The following EDC3 variants were observed in gnomAD, a reference collection of about 807,000 sequenced individuals.
The protein encoded by EDC3 is enhancer of mRNA decapping 3, also known as enhancer of mRNA-decapping protein 3.
EDC3 carries 20 observed loss-of-function variants against 41.8 expected under a neutral mutation model. That is an observed-to-expected ratio of 0.48 (90% CI 0.34 to 0.70). The LOEUF (loss-of-function observed/expected upper bound fraction) is 0.70. Ranked by LOEUF, EDC3 falls within the 30% of genes least tolerant of loss-of-function variation. EDC3 has a pLI of 0.01. For missense variants in EDC3, 444 were observed against 636.8 expected, an observed-to-expected ratio of 0.70 and a Z score of 3.26; for synonymous variants, 206 against 243.2, an observed-to-expected ratio of 0.85 and a Z score of 1.42.
chr15:74,659,630 G>A (rs1188544859), intron 3 of EDC3, among the ~76,000 whole-genome samples: 2 of 151,842 alleles, frequency 1.3e-5, no homozygotes, highest in East Asian at 3.9e-4. Context: ...CAGCACTTTG[G>A]GAGGCCAAGG....
chr15:74,670,320 T>C (rs1214744405), intron 3 of EDC3, among the ~76,000 whole-genome samples: 2 of 152,236 alleles, frequency 1.3e-5, no homozygotes, highest in Admixed American at 1.3e-4. Flanking sequence ...TTCGCTATTG[T>C]AACATTATTC....
intron 3 of EDC3, among the ~76,000 whole-genome samples, chr15:74,659,272 G>T (rs1446615624): frequency 6.6e-6 from 1 of 151,908 alleles, no homozygotes; most frequent in Admixed American, 6.6e-5. Context: ...AGACCAGCCT[G>T]ATCAACATGG....
chr15:74,666,010 C>G (rs766674502), intron 3 of EDC3, among the ~76,000 whole-genome samples: 4 of 151,986 alleles, frequency 2.6e-5, no homozygotes, highest in Non-Finnish European at 5.9e-5. Flanking sequence ...GTTGCCTAGG[C>G]TGGTCTCAAA....
intron 1 of EDC3, among the ~76,000 whole-genome samples, chr15:74,685,886 C>A (rs2062931347): frequency 6.6e-6 from 1 of 152,290 alleles, no homozygotes; most frequent in East Asian, 1.9e-4. Context: ...ATATAAAGCA[C>A]CCCTCTGGTA....
intron 2 of EDC3, among the ~76,000 whole-genome samples, chr15:74,672,218 G>C (rs1026317305): frequency 7.1e-6 from 1 of 140,496 alleles, no homozygotes; most frequent in African/African-American, 2.7e-5. Flanking sequence ...GCAGTGAGCC[G>C]AGATCCCGCC....
At chr15:74,672,125 C>T (rs1043947872) in intron 2 of EDC3, among the ~76,000 whole-genome samples, 11 of 151,288 alleles carry the variant, frequency 7.3e-5, no homozygotes, top group Admixed American at 1.3e-4. Context: ...AAAAATTAGC[C>T]GGGCATAGTG....
intron 2 of EDC3, chr15:74,674,733 G>A (rs973847698): frequency 3.3e-5 from 18 of 544,322 alleles, no homozygotes; most frequent in Non-Finnish European, 5.6e-5. Context: ...AAACAGTATA[G>A]GCCGGGCATG....
At chr15:74,650,377 T>C (rs2062466631) in intron 4 of EDC3, among the ~76,000 whole-genome samples, 2 of 152,144 alleles carry the variant, frequency 1.3e-5, no homozygotes, top group South Asian at 4.1e-4. Context: ...AGCCCTTTAC[T>C]CATACTATTC....
chr15:74,659,391 C>T (rs796855010), intron 3 of EDC3, among the ~76,000 whole-genome samples: 3 of 151,592 alleles, frequency 2.0e-5, no homozygotes, highest in South Asian at 2.1e-4. Context: ...ACCCAGGAAA[C>T]GGAGGTTACA....
chr15:74,687,835 T>C (rs1207476388), intron 1 of EDC3, among the ~76,000 whole-genome samples: 2 of 152,178 alleles, frequency 1.3e-5, no homozygotes, highest in Non-Finnish European at 2.9e-5. Context: ...CCATCATAAT[T>C]CTACTCAGAT....
At chr15:74,639,948 C>T (rs2062328025) in intron 5 of EDC3, 1 of 153,548 alleles carries the variant, frequency 6.5e-6, no homozygotes, top group African/African-American at 2.4e-5. Context: ...TCTTCGTGTC[C>T]CCGGTGTCTA....
At chr15:74,663,360 C>A (rs1293655041) in intron 3 of EDC3, among the ~76,000 whole-genome samples, 1 of 152,068 alleles carries the variant, frequency 6.6e-6, no homozygotes, top group Non-Finnish European at 1.5e-5. Flanking sequence ...GCTTCTCTAA[C>A]CACTAGCCCA....
intron 1 of EDC3, among the ~76,000 whole-genome samples, chr15:74,689,679 C>T (rs932556211): frequency 2.6e-5 from 4 of 152,238 alleles, no homozygotes; most frequent in Admixed American, 1.3e-4. Flanking sequence ...TGCCCGCCAC[C>T]GCGCCCGGCT....
chr15:74,671,412 G>GA lies in EDC3; in HGVS notation c.484+42dup. The stretch of plus-strand genomic sequence containing the variant: ...AGCAGTGCTTATGGCTTATAGCCCT[G>GA]AAACACCAGATTGAGAAGAAATATC... On this transcript the variant is annotated intron_variant, in intron 3 of 6. Transcript: ENST00000315127. This position sits in a 1 kb window ranked among gnomAD's most constrained non-coding sequence, Gnocchi z 4.6. 1 of 1,578,692 alleles carries GA rather than the reference G, an allele frequency of 6.3e-7. No individual in the cohort carries two copies. The highest frequency in any genetic ancestry group is 8.6e-7 in the Non-Finnish European group (1 of 1,157,928).
chr15:74,635,806 G>A (rs2062266313), intron 5 of EDC3, 180 bp from the exon 6 acceptor site: 4 of 616,894 alleles, frequency 6.5e-6, no homozygotes, highest in Non-Finnish European at 1.1e-5. Flanking sequence ...TGGCACTCCT[G>A]TTGTCCCAAA....
intron 1 of EDC3, among the ~76,000 whole-genome samples, chr15:74,689,232 C>G (rs938016796): frequency 2.0e-5 from 3 of 152,188 alleles, no homozygotes; most frequent in Non-Finnish European, 4.4e-5. Flanking sequence ...GTATTACCAT[C>G]TACATTTATA....
Position 74,671,147 on chromosome 15 carries a change from C to T in EDC3, c.484+308G>A, listed in dbSNP as rs1479486876. Reference sequence around the variant, plus strand: ...TCTCAAGTAGCTGGGACTATAGATGCGTGCCACCACGCCCAGTAGTTCCTG... The same window carrying T: ...TCTCAAGTAGCTGGGACTATAGATGTGTGCCACCACGCCCAGTAGTTCCTG... On this transcript the variant is annotated intron_variant, in intron 3 of 6. Transcript: ENST00000315127. This position sits in a 1 kb window ranked among gnomAD's most constrained non-coding sequence, Gnocchi z 4.6. 2.0e-5 allele frequency among the ~76,000 whole-genome samples: 3 copies of T among 152,070 alleles called. No homozygotes were observed. The highest frequency in any genetic ancestry group is 4.8e-5 in the African/African-American group (2 of 41,382).
At chr15:74,639,495 C>T (rs1422133733) in intron 5 of EDC3, 1 of 152,190 alleles carries the variant, frequency 6.6e-6, no homozygotes, top group East Asian at 1.9e-4. Flanking sequence ...CGCAGATTAC[C>T]TGAGGCCAAG....
intron 1 of EDC3, among the ~76,000 whole-genome samples, chr15:74,689,911 A>G (rs1177430225): frequency 6.6e-6 from 1 of 152,260 alleles, no homozygotes; most frequent in Non-Finnish European, 1.5e-5. Flanking sequence ...GTTGCCAATT[A>G]CAAATCTAGC....
Sources: allele counts gnomAD v4.1 joint callset (sites outside exome capture counted in the v4.1 genomes callset), GRCh38; gene constraint gnomAD v4.1.1; non-coding constraint Gnocchi (gnomAD v3.1); transcripts MANE v1.5; gene names NCBI Gene and HGNC (gene_info 2026-07-23, HGNC 2026-07-21).